The following XIRP2 variants were observed in gnomAD, a reference collection of about 807,000 sequenced individuals.
The protein encoded by XIRP2 is xin actin-binding repeat-containing protein 2.
A neutral mutation model predicts 277.0 loss-of-function variants in XIRP2; 236 were observed. The observed-to-expected ratio is 0.85, with a 90% CI of 0.77 to 0.95. The LOEUF (loss-of-function observed/expected upper bound fraction) is 0.95. Among genes scored for constraint, XIRP2 ranks in the 40% least tolerant of loss-of-function variants. The pLI is 0.00. For synonymous variants in XIRP2, 1,490 were observed against 1,416.5 expected, an observed-to-expected ratio of 1.05 and a Z score of -1.17; for missense variants, 4,640 against 4,157.5, an observed-to-expected ratio of 1.12 and a Z score of -3.19.
At chr2:167,031,329 T>C (rs561455148) in intron 2 of XIRP2, among the ~76,000 whole-genome samples, 2 of 152,188 alleles carry the variant, frequency 1.3e-5, no homozygotes, top group Admixed American at 6.6e-5. Context: ...AGTGGTGGGA[T>C]ACCGGTTTTT....
At chr2:167,239,454 T>G (rs773715970) in intron 5 of XIRP2, among the ~76,000 whole-genome samples, 20 of 152,226 alleles carry the variant, frequency 1.3e-4, no homozygotes, top group Non-Finnish European at 2.5e-4. Context: ...ATAAGGGTCC[T>G]TAAAAGTGGA....
chr2:167,035,063 A>C (rs1328765801), intron 2 of XIRP2, among the ~76,000 whole-genome samples: 1 of 152,242 alleles, frequency 6.6e-6, no homozygotes, highest in East Asian at 1.9e-4. Context: ...GCCCTCCACC[A>C]TGATTCTGAG....
intron 2 of XIRP2, among the ~76,000 whole-genome samples, chr2:166,961,764 A>C (rs1001008671): frequency 4.6e-5 from 7 of 151,718 alleles, no homozygotes; most frequent in Non-Finnish European, 7.4e-5. Context: ...CCTCGCATGG[A>C]GTGGAATTCT....
intron 3 of XIRP2, among the ~76,000 whole-genome samples, chr2:167,154,185 T>C (rs1221738998): frequency 6.7e-6 from 1 of 149,520 alleles, no homozygotes; most frequent in Admixed American, 6.6e-5. Context: ...TTTCATGTGT[T>C]TTTTGGCTGC....
intron 6 of XIRP2, among the ~76,000 whole-genome samples, chr2:167,240,423 A>C (rs1422690011): frequency 6.6e-6 from 1 of 152,126 alleles, no homozygotes; most frequent in Non-Finnish European, 1.5e-5. Flanking sequence ...TCAATAAATA[A>C]ATAAATGAAT....
chr2:167,078,805 T>C (rs992842797), intron 2 of XIRP2, among the ~76,000 whole-genome samples: 12 of 142,094 alleles, frequency 8.4e-5, no homozygotes, highest in African/African-American at 3.3e-4. Flanking sequence ...GCCACTGCAC[T>C]CCAGCCTGAG....
intron 3 of XIRP2, among the ~76,000 whole-genome samples, chr2:167,171,276 C>T (rs966651933): frequency 3.3e-5 from 5 of 152,148 alleles, no homozygotes; most frequent in South Asian, 4.1e-4. Flanking sequence ...ACAATTTAAA[C>T]ATGTTTTTAG....
intron 2 of XIRP2, among the ~76,000 whole-genome samples, chr2:167,010,841 G>A (rs939569338): frequency 4.6e-5 from 7 of 151,960 alleles, no homozygotes; most frequent in African/African-American, 1.7e-4. Context: ...AATTGTGAAT[G>A]GGAGTTCACT....
intron 3 of XIRP2, among the ~76,000 whole-genome samples, chr2:167,136,678 T>C (rs1004332210): frequency 4.6e-5 from 7 of 152,232 alleles, no homozygotes; most frequent in African/African-American, 1.7e-4. Flanking sequence ...TATAAATAAC[T>C]TATTGGAAAA....
At chr2:167,024,379 T>C (rs1403672492) in intron 2 of XIRP2, among the ~76,000 whole-genome samples, 3 of 152,074 alleles carry the variant, frequency 2.0e-5, no homozygotes, top group African/African-American at 7.2e-5. Context: ...TTTCTAGATA[T>C]GCAATCATGT....
intron 2 of XIRP2, among the ~76,000 whole-genome samples, chr2:166,951,080 C>T (rs558725766): frequency 3.9e-5 from 6 of 152,050 alleles, no homozygotes; most frequent in East Asian, 1.9e-4. Flanking sequence ...ATAAAAACGA[C>T]GGAGTGGAGA....
intron 3 of XIRP2, among the ~76,000 whole-genome samples, chr2:167,141,218 A>T (rs1291859886): frequency 1.3e-5 from 2 of 152,200 alleles, no homozygotes; most frequent in Non-Finnish European, 2.9e-5. Context: ...CTGACTGTAG[A>T]ATGTCAGAAA....
At chr2:167,219,718 T>C (rs1315406869) in intron 5 of XIRP2, among the ~76,000 whole-genome samples, 1 of 152,230 alleles carries the variant, frequency 6.6e-6, no homozygotes, top group Non-Finnish European at 1.5e-5. Flanking sequence ...TCTGGCATAC[T>C]ATGTAAACAG....
intron 3 of XIRP2, among the ~76,000 whole-genome samples, chr2:167,168,177 T>G (rs1184789413): frequency 6.6e-6 from 1 of 152,196 alleles, no homozygotes; most frequent in Non-Finnish European, 1.5e-5. Flanking sequence ...TCTTTAATCT[T>G]GATTTTCTGT....
intron 2 of XIRP2, among the ~76,000 whole-genome samples, chr2:166,920,976 T>G (rs749618259): frequency 7.9e-5 from 12 of 152,116 alleles, no homozygotes; most frequent in Non-Finnish European, 1.3e-4. Context: ...GCTAAATTGG[T>G]CTAATCTAAT....
intron 2 of XIRP2, among the ~76,000 whole-genome samples, chr2:167,085,947 A>G (rs1689928624): frequency 6.6e-6 from 1 of 151,822 alleles, no homozygotes; most frequent in Non-Finnish European, 1.5e-5. Flanking sequence ...TTTACATTTA[A>G]AGTTAATATT....
chr2:167,038,965 A>G (rs1199615127), intron 2 of XIRP2, among the ~76,000 whole-genome samples: 1 of 152,168 alleles, frequency 6.6e-6, no homozygotes, highest in Middle Eastern at 3.2e-3. Flanking sequence ...CATAACTGAC[A>G]AGCAAAACAG....
Position 167,246,123 on chromosome 2 carries a change from AG to A in XIRP2, c.4735del (p.Asp1579MetfsTer9). On this transcript the variant is annotated frameshift_variant, in exon 9 of 11. Transcript: ENST00000409195. LOFTEE classifies it high-confidence loss of function. ...PGIIIEADEI[G>X]DVRMAKYKLM... Reference sequence around the variant, plus strand: ...GAATCATCATTGAAGCTGATGAAATAGGGGATGTTCGAATGGCAAAATACAA... The same window carrying A: ...GAATCATCATTGAAGCTGATGAAATAGGGATGTTCGAATGGCAAAATACAA... The A allele has an allele frequency of 3.7e-6, 6 of 1,613,418 alleles. No individual in the cohort carries two copies. In the South Asian group the frequency reaches 5.5e-5, roughly 15 times the overall value.
intron 2 of XIRP2, among the ~76,000 whole-genome samples, chr2:166,942,576 G>A (rs986483231): frequency 6.6e-6 from 1 of 152,116 alleles, no homozygotes; most frequent in Admixed American, 6.5e-5. Flanking sequence ...AAAATATTGT[G>A]CAATCAAACC....
Sources: gnomAD v4.1 joint callset for allele counts (sites outside exome capture counted in the v4.1 genomes callset) on GRCh38, gnomAD v4.1.1 for gene constraint, MANE v1.5 for transcripts, NCBI Gene and HGNC (gene_info 2026-07-23, HGNC 2026-07-21) for gene names.